SLC1A3: variants seen among roughly 807,000 people sequenced by gnomAD.
SLC1A3 encodes the protein excitatory amino acid transporter 1.
In SLC1A3, 21 loss-of-function variants were observed where a neutral mutation model predicts 48.1. The observed-to-expected ratio is 0.44, with a 90% confidence interval of 0.31 to 0.63. The LOEUF is 0.63. Ranked by LOEUF, SLC1A3 falls within the 20% of genes least tolerant of loss-of-function variation. The pLI is 0.08. For synonymous variants in SLC1A3, 239 were observed against 251.4 expected (o/e 0.95, Z 0.47); for missense variants, 546 against 689.0 (o/e 0.79, Z 2.32).
chr5:36,660,432 A>G (rs1416496072), intron 3 of SLC1A3, among the ~76,000 whole-genome samples: 2 of 152,358 alleles, frequency 1.3e-5, no homozygotes, highest in African/African-American at 2.4e-5. Flanking sequence ...ACAAAACTAA[A>G]GTAGAATGTG....
chr5:36,671,884 C>A (rs1024097851), intron 4 of SLC1A3, among the ~76,000 whole-genome samples: 1 of 152,160 alleles, frequency 6.6e-6, no homozygotes. Flanking sequence ...TTATGTAGAA[C>A]TGTGAAGTAA....
At position 36,629,616 on chromosome 5, in the gene SLC1A3, G is replaced by GT. The variant is rs199712940; in HGVS notation, c.319+37dup. On this transcript the variant is annotated intron_variant, in intron 3 of 9. Coordinates refer to ENST00000265113, the MANE Select transcript of SLC1A3 (RefSeq NM_004172.5). ...CCATAAGCAGTTGTTGGTTTGTTTG[G>GT]TTTTTTTTAAGTGTGTTTATTGCAA... The GT allele has an allele frequency of 3.6e-3, 5,837 of 1,601,384 alleles. 91 individuals carry two copies. In the East Asian group the frequency reaches 0.05, roughly 14 times the overall value.
chr5:36,647,380 C>T (rs1449449947), intron 3 of SLC1A3, among the ~76,000 whole-genome samples: 1 of 152,158 alleles, frequency 6.6e-6, no homozygotes, highest in Non-Finnish European at 1.5e-5. Context: ...AAATTATCTG[C>T]CATGAATTTC....
chr5:36,666,238 T>C (rs966953020), intron 3 of SLC1A3: 1 of 152,192 alleles, frequency 6.6e-6, no homozygotes, highest in Non-Finnish European at 1.5e-5. Context: ...GATTTTCTTA[T>C]TAAAAAAACT....
intron 1 of SLC1A3, among the ~76,000 whole-genome samples, chr5:36,600,761 C>T (rs1281812084): frequency 2.6e-5 from 4 of 152,174 alleles, no homozygotes; most frequent in African/African-American, 9.7e-5. Flanking sequence ...TCCATAGGCA[C>T]GACATTCACA....
intron 3 of SLC1A3, among the ~76,000 whole-genome samples, chr5:36,666,978 T>C (rs1392106058): frequency 6.6e-6 from 1 of 152,234 alleles, no homozygotes; most frequent in Non-Finnish European, 1.5e-5. Context: ...CTCAGGTGTT[T>C]GAAGCAAAGT....
At chr5:36,625,853 T>A (rs1331372583) in intron 2 of SLC1A3, among the ~76,000 whole-genome samples, 2 of 152,182 alleles carry the variant, frequency 1.3e-5, no homozygotes, top group Non-Finnish European at 2.9e-5. Context: ...TCTTAAGGAA[T>A]GTAAAGAAAT....
At chr5:36,650,254 G>T (rs559351151) in intron 3 of SLC1A3, among the ~76,000 whole-genome samples, 1 of 152,156 alleles carries the variant, frequency 6.6e-6, no homozygotes, top group Non-Finnish European at 1.5e-5. Context: ...TGAGGGAAAG[G>T]CTGCTTTCCA....
rs3051477 is a variant in SLC1A3 at position 36,652,325 on chromosome 5, T to TACAC, written c.320-18686_320-18683dup. 7.8e-4 allele frequency among the ~76,000 whole-genome samples: 118 copies of TACAC among 150,620 alleles called. 1 individual carries two copies. The highest frequency in any genetic ancestry group is 2.7e-3 in the African/African-American group (111 of 41,006). On this transcript the variant is annotated intron_variant, in intron 3 of 9. Coordinates refer to ENST00000265113, the MANE Select transcript of SLC1A3 (RefSeq NM_004172.5). ...CAAGTGGCGTGAGCGCACACACACATACACACACACACACACACACAACAT... is the reference window on the plus strand; with the variant it reads ...CAAGTGGCGTGAGCGCACACACACATACACACACACACACACACACACACAACAT...
chr5:36,681,193 T>C (rs1742430355), intron 8 of SLC1A3, among the ~76,000 whole-genome samples: 1 of 152,226 alleles, frequency 6.6e-6, no homozygotes, highest in Admixed American at 6.5e-5. Context: ...AGACTTTTCC[T>C]ATGCATAGAC....
chr5:36,637,815 T>A (rs1429128004), intron 3 of SLC1A3, among the ~76,000 whole-genome samples: 1 of 152,188 alleles, frequency 6.6e-6, no homozygotes, highest in African/African-American at 2.4e-5. Flanking sequence ...TCTGAGAGGA[T>A]GCACTGTCCC....
chr5:36,634,525 G>A (rs945244111), intron 3 of SLC1A3, among the ~76,000 whole-genome samples: 1 of 152,096 alleles, frequency 6.6e-6, no homozygotes, highest in Non-Finnish European at 1.5e-5. Context: ...CATTCCTGCA[G>A]TGTCCCTTCC....
rs1742104449 is a variant in SLC1A3 at position 36,674,070 on chromosome 5, G to A, written c.546G>A (p.Leu182=). The stretch of plus-strand genomic sequence containing the variant: ...GCAGGAACATGTTCCCTCCAAATCT[G>A]GTAGAAGCCTGCTTTAAACAGGTAA... ...DLIRNMFPPN[L]VEACFKQFKT... The change falls in exon 5 of 10, where the codon CTG becomes CTA. Residue 182 remains leucine, a synonymous_variant. Transcript: ENST00000265113. The A allele has an allele frequency of 1.2e-6, 2 of 1,613,322 alleles. No homozygotes were observed. Among genetic ancestry groups the A allele is most frequent in the South Asian group, 2.2e-5 (2 of 91,056 alleles).
chr5:36,685,885 C>G lies in SLC1A3; in HGVS notation c.1425-180C>G, dbSNP rs185072514. ...AACTGAACATTCATCATCTATATGG[C>G]CTTATAACCTTTAATAGCTACTATT... is the stretch of plus-strand genomic sequence containing the variant. On this transcript the variant is annotated intron_variant, in intron 9 of 9. Coordinates refer to ENST00000265113, the MANE Select transcript of SLC1A3 (RefSeq NM_004172.5). 3.3e-5 allele frequency among the ~76,000 whole-genome samples: 5 copies of G among 152,328 alleles called. No homozygotes were observed. The East Asian group carries it at 9.6e-4, about 29-fold the overall frequency.
chr5:36,662,581 T>C (rs1741559494), intron 3 of SLC1A3, among the ~76,000 whole-genome samples: 1 of 152,200 alleles, frequency 6.6e-6, no homozygotes, highest in Admixed American at 6.5e-5. Flanking sequence ...AAAAAGCATA[T>C]TGTGCGGCAC....
chr5:36,675,180 T>A (rs1742155399), intron 5 of SLC1A3, among the ~76,000 whole-genome samples: 1 of 152,124 alleles, frequency 6.6e-6, no homozygotes, highest in Non-Finnish European at 1.5e-5. Flanking sequence ...TTTCCCCTTG[T>A]AATAATTTTT....
At chr5:36,623,862 CAAA>C (rs5867332) in intron 2 of SLC1A3, among the ~76,000 whole-genome samples, 21 of 113,900 alleles carry the variant, frequency 1.8e-4, no homozygotes, top group Admixed American at 3.5e-4. Flanking sequence ...GACACCGTCT[CAAA>C]AAAAAAAAAA....
intron 3 of SLC1A3, among the ~76,000 whole-genome samples, chr5:36,654,376 C>T (rs1327105609): frequency 6.6e-6 from 1 of 152,166 alleles, no homozygotes; most frequent in East Asian, 1.9e-4. Context: ...ATCGATATCC[C>T]AATCACTTGA....
intron 6 of SLC1A3, 143 bp from the exon 7 acceptor site, chr5:36,679,484 A>G: frequency 2.9e-6 from 2 of 701,242 alleles, no homozygotes; most frequent in Non-Finnish European, 5.3e-6. Flanking sequence ...AGAAGTCCAC[A>G]GTTTCTGTAA....
Sources: gnomAD v4.1 joint callset for allele counts (sites outside exome capture counted in the v4.1 genomes callset) on GRCh38, gnomAD v4.1.1 for gene constraint, MANE v1.5 for transcripts, NCBI Gene and HGNC (gene_info 2026-07-23, HGNC 2026-07-21) for gene names.